The following GRIA1 variants were observed in gnomAD, a reference collection of about 807,000 sequenced individuals.
GRIA1 encodes glutamate receptor 1.
In GRIA1, 31 loss-of-function variants were observed where a neutral mutation model predicts 99.2. The ratio of observed to expected loss-of-function variants is 0.31; its 90% CI spans 0.23 to 0.42. GRIA1 has a LOEUF of 0.42. GRIA1 is among the 10% of genes least tolerant of loss of function. The pLI, the probability that GRIA1 is intolerant of heterozygous loss-of-function variation, is 1.00. For synonymous variants in GRIA1, 438 were observed against 432.4 expected, an observed-to-expected ratio of 1.01 and a Z score of -0.16; for missense variants, 782 against 1,157.5, an observed-to-expected ratio of 0.68 and a Z score of 4.71.
rs543238580 is a variant in GRIA1 at position 153,803,662 on chromosome 5, A to G, written c.2520+1172A>G. Among the ~76,000 whole-genome samples the G allele has an allele frequency of 5.3e-5, 8 of 152,270 alleles. No homozygotes were observed. The Middle Eastern group carries it at 0.01, about 194-fold the overall frequency. Reference sequence around the variant, plus strand: ...CCCTCTGGGCAATGCAGCCATGGTGATATGCTGACCTATACTGTTACCTTG... The same window carrying G: ...CCCTCTGGGCAATGCAGCCATGGTGGTATGCTGACCTATACTGTTACCTTG... On this transcript the variant is annotated intron_variant, in intron 15 of 15. Coordinates refer to ENST00000285900, the MANE Select transcript of GRIA1 (RefSeq NM_000827.4).
rs1756433365 is a variant in GRIA1 at position 153,674,576 on chromosome 5, C to T, written c.776C>T (p.Thr259Ile). 3 of 1,614,102 alleles carry T rather than the reference C, an allele frequency of 1.9e-6. No individual in the cohort carries two copies. The highest frequency in any genetic ancestry group is 2.5e-6 in the Non-Finnish European group (3 of 1,179,978). ...ACAGGTTTCCAGCTGGTGAACTACA[C>T]AGACACTATTCCGGCCAAGATCATG... is the stretch of plus-strand genomic sequence containing the variant. ...NVTGFQLVNY[T>I]DTIPAKIMQQ... is the part of the protein sequence containing the mutation. The change falls in exon 6 of 16, where the codon ACA becomes ATA. Residue 259 changes from threonine (T) to isoleucine (I), a missense_variant. Coordinates refer to ENST00000285900, the MANE Select transcript of GRIA1 (RefSeq NM_000827.4).
chr5:153,714,111 G>A lies in GRIA1; in HGVS notation c.1823+8044G>A, dbSNP rs34212051. On this transcript the variant is annotated intron_variant, in intron 11 of 15. Transcript: ENST00000285900. ...TTAGTGTAGGTTCAATAGCATAGGAGTGGAAGTCAGCCGGGGGCTGTGGTG... is the reference window on the plus strand; with the variant it reads ...TTAGTGTAGGTTCAATAGCATAGGAATGGAAGTCAGCCGGGGGCTGTGGTG... 7.2e-5 allele frequency among the ~76,000 whole-genome samples: 11 copies of A among 152,240 alleles called. No individual in the cohort carries two copies. The East Asian group carries it at 2.1e-3, about 29-fold the overall frequency.
At chr5:153,776,412 C>A (rs1427541300) in intron 13 of GRIA1, among the ~76,000 whole-genome samples, 1 of 152,096 alleles carries the variant, frequency 6.6e-6, no homozygotes, top group Non-Finnish European at 1.5e-5. Context: ...ACGGGATTTA[C>A]CTCCCAAACA....
intron 2 of GRIA1, among the ~76,000 whole-genome samples, chr5:153,595,643 A>G (rs1764362872): frequency 6.6e-6 from 1 of 151,534 alleles, no homozygotes; most frequent in Admixed American, 6.6e-5. Flanking sequence ...ACTTTGGGTT[A>G]TAATTCAATA....
intron 11 of GRIA1, among the ~76,000 whole-genome samples, chr5:153,737,140 A>G (rs1761432906): frequency 6.6e-6 from 1 of 152,092 alleles, no homozygotes; most frequent in South Asian, 2.1e-4. Flanking sequence ...TATGAAGTAA[A>G]TGCATAATGT....
chr5:153,634,491 C>G (rs1315234246), intron 2 of GRIA1, among the ~76,000 whole-genome samples: 2 of 151,962 alleles, frequency 1.3e-5, no homozygotes, highest in Non-Finnish European at 1.5e-5. Context: ...GCAAGAAAGT[C>G]GGGACTGTCC....
intron 7 of GRIA1, among the ~76,000 whole-genome samples, chr5:153,681,642 T>A (rs1450935037): frequency 6.6e-6 from 1 of 152,194 alleles, no homozygotes; most frequent in Non-Finnish European, 1.5e-5. Context: ...ATTGCTTGCC[T>A]TTTCCAGATC....
intron 5 of GRIA1, among the ~76,000 whole-genome samples, chr5:153,662,097 AC>A (rs1283469366): frequency 6.6e-6 from 1 of 152,126 alleles, no homozygotes; most frequent in Non-Finnish European, 1.5e-5. Context: ...TGCAAAACTT[AC>A]CTGTGCCTTC....
chr5:153,596,227 C>G (rs915297368), intron 2 of GRIA1, among the ~76,000 whole-genome samples: 2 of 152,192 alleles, frequency 1.3e-5, no homozygotes, highest in African/African-American at 4.8e-5. Context: ...AAGTATGCAT[C>G]TATTCTTTTT....
chr5:153,588,312 G>A (rs1407404546), intron 2 of GRIA1, among the ~76,000 whole-genome samples: 1 of 152,220 alleles, frequency 6.6e-6, no homozygotes, highest in Non-Finnish European at 1.5e-5. Flanking sequence ...CTAAAGCACT[G>A]GGTTTGTGTG....
At chr5:153,631,430 GT>G (rs1313125256) in intron 2 of GRIA1, among the ~76,000 whole-genome samples, 1 of 152,178 alleles carries the variant, frequency 6.6e-6, no homozygotes. Flanking sequence ...ATATTTCTGT[GT>G]TTTTATTATA....
intron 2 of GRIA1, among the ~76,000 whole-genome samples, chr5:153,497,969 G>C (rs1447497961): frequency 6.6e-6 from 1 of 152,116 alleles, no homozygotes; most frequent in Non-Finnish European, 1.5e-5. Flanking sequence ...GGTGGTGATT[G>C]AATTGAGCCT....
intron 11 of GRIA1, among the ~76,000 whole-genome samples, chr5:153,736,647 T>G (rs1761399171): frequency 6.6e-6 from 1 of 152,224 alleles, no homozygotes; most frequent in Non-Finnish European, 1.5e-5. Context: ...TCTTCTCTAA[T>G]GCTTTAACTT....
At chr5:153,791,208 G>A (rs1169924706) in intron 13 of GRIA1, among the ~76,000 whole-genome samples, 4 of 151,306 alleles carry the variant, frequency 2.6e-5, no homozygotes, top group Non-Finnish European at 5.9e-5. Context: ...GCCGAGGCAG[G>A]AGGATTGCTT....
chr5:153,634,184 G>T (rs1385156956), intron 2 of GRIA1, among the ~76,000 whole-genome samples: 1 of 151,988 alleles, frequency 6.6e-6, no homozygotes, highest in Non-Finnish European at 1.5e-5. Flanking sequence ...CAGTCGTGAT[G>T]GCAGGCACCT....
chr5:153,682,884 T>G (rs1018025881), intron 7 of GRIA1, among the ~76,000 whole-genome samples: 2 of 152,198 alleles, frequency 1.3e-5, no homozygotes, highest in East Asian at 3.9e-4. Flanking sequence ...ACCCGCATTC[T>G]CTCAGCACCA....
intron 2 of GRIA1, among the ~76,000 whole-genome samples, chr5:153,501,482 G>A (rs1362730510): frequency 6.6e-6 from 1 of 151,676 alleles, no homozygotes; most frequent in Admixed American, 6.6e-5. Flanking sequence ...CCTGGGCAGA[G>A]GCCTGGCCAG....
intron 11 of GRIA1, among the ~76,000 whole-genome samples, chr5:153,746,559 A>G (rs1292575677): frequency 6.6e-6 from 1 of 152,106 alleles, no homozygotes; most frequent in Non-Finnish European, 1.5e-5. Context: ...CACAGATGAC[A>G]ATGCAGGCCC....
intron 14 of GRIA1, 123 bp downstream of exon 14, chr5:153,794,858 C>A: frequency 1.6e-6 from 1 of 640,066 alleles, no homozygotes; most frequent in Non-Finnish European, 2.8e-6. Context: ...AAATTAATGT[C>A]AAAGGGAAGC....
Sources: allele counts gnomAD v4.1 joint callset (sites outside exome capture counted in the v4.1 genomes callset), GRCh38; gene constraint gnomAD v4.1.1; transcripts MANE v1.5; gene names NCBI Gene and HGNC (gene_info 2026-07-23, HGNC 2026-07-21).